USP35: variants seen among roughly 807,000 people sequenced by gnomAD.
USP35 encodes the protein ubiquitin specific peptidase 35, also known as ubiquitin carboxyl-terminal hydrolase 35.
In USP35, 69 loss-of-function variants were observed where a neutral mutation model predicts 83.8. That is an observed-to-expected ratio of 0.82 (90% CI 0.68 to 1.01). USP35 has a LOEUF of 1.01. USP35 is among the 50% of genes least tolerant of loss of function. The pLI is 0.00. For synonymous variants in USP35, 714 were observed against 589.5 expected (o/e 1.21, Z -3.06); for missense variants, 1,503 against 1,362.5 (o/e 1.10, Z -1.62).
chr11:78,207,926 G>C (rs1218852749), intron 8 of USP35, among the ~76,000 whole-genome samples: 1 of 152,196 alleles, frequency 6.6e-6, no homozygotes, highest in Non-Finnish European at 1.5e-5. Flanking sequence ...AAATACTCGA[G>C]GCTTGGTGAT....
Position 78,204,429 on chromosome 11 carries a change from G to C in USP35, c.1198-1413G>C, listed in dbSNP as rs1335530693. Among the ~76,000 whole-genome samples, 3 of 152,164 alleles carry C rather than the reference G, an allele frequency of 2.0e-5. No homozygotes were observed. In the East Asian group the frequency reaches 5.8e-4, roughly 29 times the overall value. ...TTGTGGCGGTTTCTTTGGGACCTGT[G>C]ATACTTGCCAAGGGAGCCATCACAC... On this transcript the variant is annotated intron_variant, in intron 6 of 10. Coordinates refer to ENST00000529308, the MANE Select transcript of USP35 (RefSeq NM_020798.4).
Position 78,214,617 on chromosome 11 carries a change from G to C in USP35, c.*804G>C, listed in dbSNP as rs1864014821. On this transcript the variant is annotated 3_prime_UTR_variant, in exon 11 of 11. Coordinates refer to ENST00000529308, the MANE Select transcript of USP35 (RefSeq NM_020798.4). ...AGCAGCCACCTGCAGGTTGGGTGAAGTGCCCTGACACTGCTGTAGCCCCCT... is the reference window on the plus strand; with the variant it reads ...AGCAGCCACCTGCAGGTTGGGTGAACTGCCCTGACACTGCTGTAGCCCCCT... 6.6e-6 allele frequency: 1 copy of C among 152,276 alleles called. No homozygotes were observed. Among genetic ancestry groups the C allele is most frequent in the Non-Finnish European group, 1.5e-5 (1 of 68,066 alleles). The allele number at this position is 152,276 out of a possible 1,614,324, so 9.4% of individuals were successfully genotyped here. A position where few individuals can be genotyped will look rare whatever the true frequency, so the allele number is the denominator to read the frequency against.
In USP35 at chr11:78,195,140, C is replaced by T. The variant is rs1034637457; in HGVS notation, c.-10-1096C>T. On this transcript the variant is annotated intron_variant, in intron 1 of 10. Transcript: ENST00000529308. The stretch of plus-strand genomic sequence containing the variant: ...AGCGCGGAGATGAGATGCTGTGCTT[C>T]GGTGGAGGGGACTGGGACCCATACC... 1.9e-4 allele frequency among the ~76,000 whole-genome samples: 29 copies of T among 152,160 alleles called. 1 individual carries two copies. Among genetic ancestry groups the T allele is most frequent in the South Asian group, 1.5e-3 (7 of 4,812 alleles).
rs1444052359 is a variant in USP35 at position 78,213,758 on chromosome 11, G to A, written c.3002G>A (p.Gly1001Glu). 1.9e-6 allele frequency: 3 copies of A among 1,544,368 alleles called. No homozygotes were observed. The highest frequency in any genetic ancestry group is 2.6e-6 in the Non-Finnish European group (3 of 1,154,396). The change falls in exon 11 of 11, where the codon GGG (glycine) becomes GAG (glutamate). Residue 1001 changes from glycine (G) to glutamate (E), a missense_variant. Coordinates refer to ENST00000529308, the MANE Select transcript of USP35 (RefSeq NM_020798.4). ...AAGGATGAGGATGAAGGCTCTCCAG[G>A]GGGCTGCAATCCTGCAGGTGGCAAT... ...EDKDEDEGSPGGCNPAGGNGG... is the reference protein window; with the variant it reads ...EDKDEDEGSPEGCNPAGGNGG...
At chr11:78,200,030 G>A in intron 4 of USP35, 103 bp from the exon 5 acceptor site, 1 of 1,274,366 alleles carries the variant, frequency 7.8e-7, no homozygotes, top group Non-Finnish European at 1.1e-6. Context: ...CCTCTGCATG[G>A]GTTTGAACTC....
chr11:78,221,716 G>C, the USP35 span: 1 of 1,613,674 alleles, frequency 6.2e-7, no homozygotes, highest in Non-Finnish European at 8.5e-7. Context: ...CTGAGTCTGT[G>C]CTGGTGATGC....
Position 78,203,892 on chromosome 11 carries a change from C to CT in USP35, c.1198-1934dup, listed in dbSNP as rs1452214469. ...TGTACCCAGCCCATATTTTTCTTTT[C>CT]TTTTTTTTTTTTTTTTGAGACGGAG... is the stretch of plus-strand genomic sequence containing the variant. On this transcript the variant is annotated intron_variant, in intron 6 of 10. Transcript: ENST00000529308. Among the ~76,000 whole-genome samples the CT allele has an allele frequency of 5.4e-3, 615 of 114,368 alleles. 7 individuals are homozygous for CT. Among genetic ancestry groups the CT allele is most frequent in the East Asian group, 0.01 (40 of 3,944 alleles). The allele number at this position is 114,368 out of a possible 152,430, so 75.0% of individuals were successfully genotyped here.
intron 9 of USP35, among the ~76,000 whole-genome samples, 168 bp from the exon 10 acceptor site, chr11:78,209,280 G>T (rs1423304722): frequency 6.8e-6 from 1 of 146,768 alleles, no homozygotes; most frequent in Non-Finnish European, 1.5e-5. Context: ...TGTAGCAAGC[G>T]TGCTGTTGTG....
rs1205507612 is a variant in USP35 at position 78,214,426 on chromosome 11, C to A, written c.*613C>A. On this transcript the variant is annotated 3_prime_UTR_variant, in exon 11 of 11. Coordinates refer to ENST00000529308, the MANE Select transcript of USP35 (RefSeq NM_020798.4). ...CTTCTCACAGCAGGAGGCCTTTGCC[C>A]CCACAGCCCCTCCACGCCTGCCTCA... 7.0e-6 allele frequency: 1 copy of A among 142,350 alleles called. No homozygotes were observed. The highest frequency in any genetic ancestry group is 2.6e-5 in the African/African-American group (1 of 38,154). 8.8% of individuals were successfully genotyped at this position (142,350 alleles called of 1,614,324 possible).
At chr11:78,197,385 A>AGTCTG (rs368091989) in intron 2 of USP35, among the ~76,000 whole-genome samples, 5 of 152,220 alleles carry the variant, frequency 3.3e-5, no homozygotes, top group African/African-American at 1.2e-4. Flanking sequence ...GAGGTGATGG[A>AGTCTG]GTCTGCTATG....
chr11:78,230,854 A>C, the USP35 span, among the ~76,000 whole-genome samples: 1 of 152,228 alleles, frequency 6.6e-6, no homozygotes, highest in Non-Finnish European at 1.5e-5. Flanking sequence ...GGAATTCCAA[A>C]TACTCAGCAG....
rs763410998 is a variant in USP35, at chr11:78,206,029, C to T, written c.1385C>T (p.Ala462Val). Reference sequence around the variant, plus strand: ...AGCATCCTTCAGGCCTTATTCATGGCGTCTGAGTAGGTGCTGCTTTGGAAT... The same window carrying T: ...AGCATCCTTCAGGCCTTATTCATGGTGTCTGAGTAGGTGCTGCTTTGGAAT... ...VNSILQALFM[A>V]SDFRHCVLRL... Residue 462 changes from alanine (A) to valine (V), a missense_variant, in exon 7 of 11, where the codon GCG becomes GTG. Transcript: ENST00000529308. The T allele has an allele frequency of 1.4e-5, 23 of 1,611,418 alleles. No homozygotes were observed. In the East Asian group the frequency reaches 2.9e-4, roughly 20 times the overall value.
At position 78,213,676 on chromosome 11, in the gene USP35, GCCTACATCTCTGCACTC is replaced by G. The variant is rs775200298; in HGVS notation, c.2923_2939del (p.Tyr975HisfsTer10). The G allele has an allele frequency of 3.2e-5, 49 of 1,511,090 alleles. No homozygotes were observed. The highest frequency in any genetic ancestry group is 4.0e-5 in the Non-Finnish European group (45 of 1,137,802). 93.6% of individuals were successfully genotyped at this position (1,511,090 alleles called of 1,614,324 possible). ...GGAGAAGGAGGCCCGGAGCAGGGCG[GCCTACATCTCTGCACTC>G]CCCACATCTCCGCACTGGGGGAGGG... On this transcript the variant is annotated frameshift_variant, in exon 11 of 11. Coordinates refer to ENST00000529308, the MANE Select transcript of USP35 (RefSeq NM_020798.4). LOFTEE classifies it high-confidence loss of function.
At chr11:78,219,197 G>A (rs878921442), downstream of USP35, 91 of 1,357,778 alleles carry the variant, frequency 6.7e-5, no homozygotes, top group South Asian at 4.3e-4. Flanking sequence ...GAGGAAGAAC[G>A]GGAGAGGGGA....
the USP35 span, among the ~76,000 whole-genome samples, chr11:78,222,624 T>C: frequency 6.6e-6 from 1 of 151,700 alleles, no homozygotes; most frequent in Non-Finnish European, 1.5e-5. Context: ...ACTCTGTTGC[T>C]CAGGCTGGAG....
the USP35 span, among the ~76,000 whole-genome samples, chr11:78,230,290 G>A: frequency 3.3e-5 from 5 of 152,266 alleles, 1 homozygote; most frequent in East Asian, 9.7e-4. Flanking sequence ...GCATCCTCCT[G>A]TCTCGCTCAC....
At chr11:78,232,676 AC>A in the USP35 span, among the ~76,000 whole-genome samples, 2 of 152,360 alleles carry the variant, frequency 1.3e-5, no homozygotes, top group Middle Eastern at 6.8e-3. Flanking sequence ...GATGATAAAT[AC>A]ATAATTCACA....
chr11:78,228,331 G>GA, the USP35 span, among the ~76,000 whole-genome samples: 6 of 152,128 alleles, frequency 3.9e-5, no homozygotes, highest in African/African-American at 1.4e-4. Context: ...TTCACTTGGG[G>GA]AAAAAAAGAA....
intron 1 of USP35, among the ~76,000 whole-genome samples, chr11:78,193,851 G>A (rs1202485702): frequency 6.6e-6 from 1 of 151,834 alleles, no homozygotes; most frequent in Non-Finnish European, 1.5e-5. Flanking sequence ...CTTTTTTTGA[G>A]ACAGGGTCTC....
Sources: allele counts gnomAD v4.1 joint callset (sites outside exome capture counted in the v4.1 genomes callset), GRCh38; gene constraint gnomAD v4.1.1; transcripts MANE v1.5; gene names NCBI Gene and HGNC (gene_info 2026-07-23, HGNC 2026-07-21).